Variants in NEBL observed in about 807,000 individuals in gnomAD.
NEBL encodes the protein LIM and SH3 protein 2.
A neutral mutation model predicts 140.2 loss-of-function variants in NEBL; 122 were observed. That is an observed-to-expected ratio of 0.87 (90% CI 0.75 to 1.01). The LOEUF (loss-of-function observed/expected upper bound fraction) is 1.01. Ranked by LOEUF, NEBL falls within the 50% of genes least tolerant of loss-of-function variation. The pLI is 0.00. For synonymous variants in NEBL, 436 were observed against 398.9 expected (o/e 1.09, Z -1.11); for missense variants, 1,365 against 1,231.3 (o/e 1.11, Z -1.62).
chr10:21,225,120 A>G (rs918065096), intron 3 of NEBL, among the ~76,000 whole-genome samples: 2 of 152,136 alleles, frequency 1.3e-5, no homozygotes, highest in Non-Finnish European at 2.9e-5. Context: ...CCCATTCGCT[A>G]TGATACTGTG....
intron 26 of NEBL, among the ~76,000 whole-genome samples, chr10:20,795,615 C>A (rs138475178): frequency 6.6e-6 from 1 of 151,826 alleles, no homozygotes; most frequent in Non-Finnish European, 1.5e-5. Context: ...TTGCCAATAC[C>A]AACCTATTTT....
chr10:20,877,688 G>T (rs890443250), intron 5 of NEBL, among the ~76,000 whole-genome samples: 1 of 152,112 alleles, frequency 6.6e-6, no homozygotes, highest in Non-Finnish European at 1.5e-5. Flanking sequence ...CATGGAAACC[G>T]CCAGGCAAAG....
intron 2 of NEBL, among the ~76,000 whole-genome samples, chr10:21,248,314 C>G (rs548329575): frequency 6.6e-6 from 1 of 151,534 alleles, no homozygotes; most frequent in South Asian, 2.1e-4. Context: ...ATTGCTCATA[C>G]TTTTGAAACT....
intron 3 of NEBL, among the ~76,000 whole-genome samples, chr10:21,243,543 G>C (rs1374189630): frequency 1.3e-5 from 2 of 152,064 alleles, no homozygotes; most frequent in African/African-American, 4.8e-5. Flanking sequence ...CTGGCCTCAA[G>C]TGATCCTCTT....
chr10:20,790,742 C>A (rs1233840642), intron 26 of NEBL, among the ~76,000 whole-genome samples: 1 of 152,096 alleles, frequency 6.6e-6, no homozygotes, highest in Non-Finnish European at 1.5e-5. Flanking sequence ...TACAGGAATG[C>A]CTTTTTTGGA....
At position 20,787,571 on chromosome 10, in the gene NEBL, A is replaced by T. The variant is rs2296608; in HGVS notation, c.2762-263T>A. Among the ~76,000 whole-genome samples, 2,188 of 151,328 alleles carry T rather than the reference A, an allele frequency of 0.014. 52 individuals carry two copies. The highest frequency in any genetic ancestry group is 0.05 in the East Asian group (259 of 5,182). On this transcript the variant is annotated intron_variant, in intron 26 of 27. Coordinates refer to ENST00000377122, the MANE Select transcript of NEBL (RefSeq NM_006393.3). ...TCTTGTGGCTCTATTGCAGATGCTCAGTTAAAAACATAAACAAAAATTTTT... is the reference window on the plus strand; with the variant it reads ...TCTTGTGGCTCTATTGCAGATGCTCTGTTAAAAACATAAACAAAAATTTTT...
rs1296465213 is a variant in NEBL at position 20,904,243 on chromosome 10, T to C, written c.357+57429A>G. On this transcript the variant is annotated intron_variant, in intron 4 of 6. Transcript: ENST00000417816. ...TTCTTGGGAAGGCAATTGAGTACTG[T>C]CCATGAGACAGACCCTTTTTGCACC... Among the ~76,000 whole-genome samples the C allele has an allele frequency of 2.6e-5, 4 of 152,334 alleles. No homozygotes were observed. In the East Asian group the frequency reaches 5.8e-4, roughly 22 times the overall value.
At chr10:21,253,872 C>T (rs918408587) in intron 1 of NEBL, among the ~76,000 whole-genome samples, 20 of 152,042 alleles carry the variant, frequency 1.3e-4, no homozygotes, top group Non-Finnish European at 2.5e-4. Flanking sequence ...AGGATGATCT[C>T]TTCAAATTCT....
At chr10:21,089,526 G>A (rs1836809456) in intron 2 of NEBL, among the ~76,000 whole-genome samples, 2 of 152,092 alleles carry the variant, frequency 1.3e-5, no homozygotes, top group South Asian at 2.1e-4. Context: ...TGTGGCAAGA[G>A]GGAAGCTGAG....
intron 2 of NEBL, among the ~76,000 whole-genome samples, chr10:21,060,499 G>C (rs1472120554): frequency 2.0e-5 from 3 of 152,042 alleles, no homozygotes; most frequent in Non-Finnish European, 2.9e-5. Flanking sequence ...ACACCCTCTT[G>C]CCTACTCAAA....
chr10:20,852,741 C>T (rs1842676398), intron 9 of NEBL, 92 bp from the exon 10 acceptor site: 1 of 1,122,012 alleles, frequency 8.9e-7, no homozygotes, highest in South Asian at 1.3e-5. Context: ...TTACAAGCCA[C>T]CAAGAGCTGC....
rs553090458 is a variant in NEBL at position 20,886,344 on chromosome 10, G to A, written c.369+1753C>T. Among the ~76,000 whole-genome samples, 11 of 151,930 alleles carry A rather than the reference G, an allele frequency of 7.2e-5. No homozygotes were observed. The Middle Eastern group carries it at 0.01, about 141-fold the overall frequency. The stretch of plus-strand genomic sequence containing the variant: ...TCAAGACCAGCCTGGCCAACATGGC[G>A]AGACCCCGTCTCTACTAAAAAAAAA... On this transcript the variant is annotated intron_variant, in intron 4 of 27. Coordinates refer to ENST00000377122, the MANE Select transcript of NEBL (RefSeq NM_006393.3).
intron 4 of NEBL, among the ~76,000 whole-genome samples, chr10:20,921,661 A>C (rs1351194121): frequency 2.0e-5 from 3 of 152,086 alleles, no homozygotes; most frequent in Non-Finnish European, 4.4e-5. Flanking sequence ...CAGCTCTGCA[A>C]ACTCTCTTTA....
intron 2 of NEBL, among the ~76,000 whole-genome samples, chr10:21,082,325 C>T (rs1209474815): frequency 1.3e-5 from 2 of 151,980 alleles, no homozygotes; most frequent in Admixed American, 1.3e-4. Flanking sequence ...GATTAGATCA[C>T]AGTGATAAAT....
intron 1 of NEBL, among the ~76,000 whole-genome samples, chr10:21,290,220 C>A (rs1174430550): frequency 2.6e-5 from 4 of 152,194 alleles, no homozygotes; most frequent in African/African-American, 9.7e-5. Flanking sequence ...GACAGTCTAT[C>A]CACTGCATGA....
At chr10:21,180,552 T>C (rs1326072352) in intron 3 of NEBL, among the ~76,000 whole-genome samples, 2 of 152,238 alleles carry the variant, frequency 1.3e-5, no homozygotes, top group Non-Finnish European at 1.5e-5. Flanking sequence ...ACAAGCATTC[T>C]AGGTAGTTTG....
At chr10:20,939,363 A>G (rs1167976038) in intron 4 of NEBL, among the ~76,000 whole-genome samples, 1 of 152,164 alleles carries the variant, frequency 6.6e-6, no homozygotes, top group African/African-American at 2.4e-5. Flanking sequence ...GAAATAAAAT[A>G]CTTTACAGAC....
chr10:21,086,509 G>A (rs1204178772), intron 2 of NEBL, among the ~76,000 whole-genome samples: 2 of 152,216 alleles, frequency 1.3e-5, no homozygotes, highest in Non-Finnish European at 2.9e-5. Context: ...CGGGCATGGT[G>A]GCTCACACCT....
At chr10:20,988,630 A>G (rs1388663046) in intron 3 of NEBL, among the ~76,000 whole-genome samples, 2 of 152,166 alleles carry the variant, frequency 1.3e-5, no homozygotes, top group Non-Finnish European at 2.9e-5. Context: ...TGCCATTAGC[A>G]TACACACATA....
Sources: allele counts gnomAD v4.1 joint callset (sites outside exome capture counted in the v4.1 genomes callset), GRCh38; gene constraint gnomAD v4.1.1; transcripts MANE v1.5; gene names NCBI Gene and HGNC (gene_info 2026-07-23, HGNC 2026-07-21).